Variants in ZNF516 observed in about 807,000 individuals in gnomAD.
ZNF516 encodes zinc finger protein 516.
ZNF516 carries 19 observed loss-of-function variants against 79.7 expected under a neutral mutation model. That is an observed-to-expected ratio of 0.24 (90% CI 0.17 to 0.35). The LOEUF is 0.35. ZNF516 is among the 10% of genes least tolerant of loss of function. ZNF516 has a pLI of 1.00. For synonymous variants in ZNF516, 877 were observed against 739.5 expected (o/e 1.19, Z -3.02); for missense variants, 1,678 against 1,679.5 (o/e 1.00, Z 0.02).
chr18:76,453,253 C>T (rs928494638), intron 2 of ZNF516, among the ~76,000 whole-genome samples: 2 of 152,168 alleles, frequency 1.3e-5, no homozygotes, highest in African/African-American at 4.8e-5. Flanking sequence ...TCTGGAGCAG[C>T]CAGCATTGCT....
At chr18:76,418,762 G>A (rs2075469318) in intron 3 of ZNF516, among the ~76,000 whole-genome samples, 1 of 152,186 alleles carries the variant, frequency 6.6e-6, no homozygotes, top group African/African-American at 2.4e-5. Context: ...ACGCTATAAT[G>A]CAATGCAAAG....
At position 76,410,158 on chromosome 18, in the gene ZNF516, C is replaced by T. The variant is rs547185526; in HGVS notation, c.1811-29855G>A. On this transcript the variant is annotated intron_variant, in intron 3 of 6. Coordinates refer to ENST00000443185, the MANE Select transcript of ZNF516 (RefSeq NM_014643.4). ...GTCTTGGGTATGTCTTTGTTAGCAG[C>T]GTTAAAAACGGACTAATACAGGAGG... Among the ~76,000 whole-genome samples, 4 of 152,274 alleles carry T rather than the reference C, an allele frequency of 2.6e-5. No homozygotes were observed. In the South Asian group the frequency reaches 6.2e-4, roughly 24 times the overall value.
chr18:76,469,816 T>C (rs1429469630), intron 1 of ZNF516, among the ~76,000 whole-genome samples: 3 of 152,192 alleles, frequency 2.0e-5, no homozygotes, highest in South Asian at 4.1e-4. Context: ...CACTGAACTG[T>C]ACACTTAAAA....
intron 3 of ZNF516, among the ~76,000 whole-genome samples, chr18:76,438,009 A>G (rs1324208952): frequency 6.6e-6 from 1 of 152,234 alleles, no homozygotes; most frequent in Non-Finnish European, 1.5e-5. Flanking sequence ...TTTACATGAC[A>G]GATATTAGCA....
At chr18:76,397,809 G>A (rs1404109091) in intron 3 of ZNF516, among the ~76,000 whole-genome samples, 1 of 152,254 alleles carries the variant, frequency 6.6e-6, no homozygotes, top group Middle Eastern at 3.4e-3. Context: ...TCTGTTGCCA[G>A]GCTGTTCTGA....
In ZNF516 at chr18:76,359,447, T is replaced by C. The variant is rs1599117506; in HGVS notation, c.*3051A>G. The C allele has an allele frequency of 6.6e-6, 1 of 152,190 alleles. No homozygotes were observed. The highest frequency in any genetic ancestry group is 1.9e-4 in the East Asian group (1 of 5,194). The allele number at this position is 152,190 out of a possible 1,614,324, so 9.4% of individuals were successfully genotyped here. On this transcript the variant is annotated 3_prime_UTR_variant, in exon 7 of 7. Coordinates refer to ENST00000443185, the MANE Select transcript of ZNF516 (RefSeq NM_014643.4). ...CCTCAATATCTGACTTTTGAGAGAA[T>C]TTAAATATTCATTCTTCAAATTAAG...
chr18:76,416,207 T>C (rs1198977127), intron 3 of ZNF516, among the ~76,000 whole-genome samples: 1 of 152,212 alleles, frequency 6.6e-6, no homozygotes, highest in African/African-American at 2.4e-5. Flanking sequence ...AAAATCATGT[T>C]TGGAAACCAC....
At chr18:76,438,469 T>C (rs2075774044) in intron 3 of ZNF516, among the ~76,000 whole-genome samples, 1 of 149,140 alleles carries the variant, frequency 6.7e-6, no homozygotes, top group Admixed American at 6.6e-5. Flanking sequence ...GTAGACTTTC[T>C]GTCCATGCCA....
At chr18:76,369,098 G>A (rs941871716) in intron 6 of ZNF516, among the ~76,000 whole-genome samples, 2 of 152,176 alleles carry the variant, frequency 1.3e-5, no homozygotes, top group East Asian at 1.9e-4. Flanking sequence ...TCTCAATTAC[G>A]GCATGACCTT....
At position 76,371,554 on chromosome 18, in the gene ZNF516, C is replaced by A; in HGVS notation, c.3277G>T (p.Ala1093Ser). ...LEHRGTLRTQ[A>S]RPGEFVCIEC... The stretch of plus-strand genomic sequence containing the variant: ...ATGCAGACGAACTCTCCTGGCCGGG[C>A]CTGCGTCCGGAGTGTCCCTGCGGTG... The change falls in exon 5 of 7, where the codon GCC becomes TCC. Residue 1093 changes from alanine to serine, a missense_variant. Coordinates refer to ENST00000443185, the MANE Select transcript of ZNF516 (RefSeq NM_014643.4). The A allele has an allele frequency of 6.2e-7, 1 of 1,610,244 alleles. No homozygotes were observed.
At chr18:76,415,035 T>C (rs1469576445) in intron 3 of ZNF516, among the ~76,000 whole-genome samples, 4 of 152,112 alleles carry the variant, frequency 2.6e-5, no homozygotes, top group Non-Finnish European at 4.4e-5. Flanking sequence ...CCATTTCTAC[T>C]AAAAATACAA....
chr18:76,423,584 A>G (rs374012190), intron 3 of ZNF516, among the ~76,000 whole-genome samples: 9 of 132,772 alleles, frequency 6.8e-5, no homozygotes, highest in East Asian at 2.3e-4. Context: ...CGAAACACAC[A>G]CAGGTAAAAA....
chr18:76,403,414 T>C (rs936884448), intron 3 of ZNF516, among the ~76,000 whole-genome samples: 1 of 152,156 alleles, frequency 6.6e-6, no homozygotes, highest in Non-Finnish European at 1.5e-5. Context: ...TACATACAAC[T>C]GTACATGCAC....
chr18:76,425,867 A>G (rs978696633), intron 3 of ZNF516, among the ~76,000 whole-genome samples: 4 of 152,198 alleles, frequency 2.6e-5, no homozygotes, highest in Non-Finnish European at 5.9e-5. Flanking sequence ...TCACGTGCAA[A>G]AATACCCAGG....
At chr18:76,480,286 G>A (rs957302365) in intron 1 of ZNF516, among the ~76,000 whole-genome samples, 5 of 151,390 alleles carry the variant, frequency 3.3e-5, no homozygotes, top group East Asian at 3.9e-4. Flanking sequence ...TTAATTTTAC[G>A]TGTTTCCTTT....
intron 2 of ZNF516, among the ~76,000 whole-genome samples, chr18:76,457,067 G>A (rs1912775348): frequency 6.6e-6 from 1 of 152,204 alleles, no homozygotes; most frequent in African/African-American, 2.4e-5. Flanking sequence ...CAGGAGAAGG[G>A]TTATGCAGCC....
In ZNF516 at chr18:76,440,759, T is replaced by C. The variant is rs78088554; in HGVS notation, c.1810+486A>G. Among the ~76,000 whole-genome samples the C allele has an allele frequency of 5.1e-3, 521 of 101,178 alleles. 6 individuals are homozygous for C. Among genetic ancestry groups the C allele is most frequent in the East Asian group, 0.013 (51 of 3,840 alleles). 66.4% of individuals were successfully genotyped at this position (101,178 alleles called of 152,430 possible). A position where few individuals can be genotyped will look rare whatever the true frequency, so the allele number is the denominator to read the frequency against. Reference sequence around the variant, plus strand: ...GTGTGTGTTTGTGTGTGTGTGTGTGTGTGCGCGCACGCGCGCATGCATCGT... The same window carrying C: ...GTGTGTGTTTGTGTGTGTGTGTGTGCGTGCGCGCACGCGCGCATGCATCGT... On this transcript the variant is annotated intron_variant, in intron 3 of 6. Coordinates refer to ENST00000443185, the MANE Select transcript of ZNF516 (RefSeq NM_014643.4).
In ZNF516 at chr18:76,442,212, G is replaced by A. The variant is rs1025507397; in HGVS notation, c.843C>T (p.Cys281=). The A allele has an allele frequency of 3.1e-6, 5 of 1,613,616 alleles. No individual in the cohort carries two copies. Among genetic ancestry groups the A allele is most frequent in the East Asian group, 2.2e-5 (1 of 44,880 alleles). The change falls in exon 3 of 7, where the codon TGC becomes TGT. Residue 281 remains cysteine, a synonymous_variant. Transcript: ENST00000443185. The stretch of plus-strand genomic sequence containing the variant: ...ACCAGGGCTCCTTGAACCTACGGCC[G>A]CAGATGTGGCAGCCGTGGTCGAAGG... ...RGSFDHGCHI[C]GRRFKEPWFL...
chr18:76,458,540 G>A (rs759675504), intron 2 of ZNF516, among the ~76,000 whole-genome samples: 10 of 152,352 alleles, frequency 6.6e-5, no homozygotes, highest in Admixed American at 3.9e-4. Flanking sequence ...AGGGAATCCC[G>A]TCCCTGAGAG....
Sources: gnomAD v4.1 joint callset for allele counts (sites outside exome capture counted in the v4.1 genomes callset) on GRCh38, gnomAD v4.1.1 for gene constraint, MANE v1.5 for transcripts, NCBI Gene and HGNC (gene_info 2026-07-23, HGNC 2026-07-21) for gene names.